MGAM: variants seen among roughly 807,000 people sequenced by gnomAD.
The protein encoded by MGAM is maltase-glucoamylase.
MGAM carries 253 observed loss-of-function variants against 358.8 expected under a neutral mutation model. That is an observed-to-expected ratio of 0.71 (90% CI 0.64 to 0.78). MGAM has a LOEUF of 0.78. MGAM is among the 30% of genes least tolerant of loss of function. The pLI, the probability that MGAM is intolerant of heterozygous loss-of-function variation, is 0.00. For missense variants in MGAM, 3,080 were observed against 3,432.6 expected (o/e 0.90, Z 2.57); for synonymous variants, 1,105 against 1,227.1 (o/e 0.90, Z 2.08).
At position 142,022,392 on chromosome 7, in the gene MGAM, A is replaced by G. The variant is rs369129473; in HGVS notation, c.835A>G (p.Asn279Asp). The G allele has an allele frequency of 3.1e-6, 5 of 1,613,642 alleles. No individual in the cohort carries two copies. In the African/African-American group the frequency reaches 4.0e-5, roughly 13 times the overall value. ...GCACCAGCAGTATCGGCATGATATG[A>G]ATTGGAAGACCTGGCCCATATTTAA... ...HVHQQYRHDM[N>D]WKTWPIFNRD... Residue 279 changes from asparagine to aspartate, a missense_variant, in exon 7 of 71, where the codon AAT becomes GAT. Asn to Asp is a conservative substitution (Grantham distance 23). Transcript: ENST00000475668.
intron 30 of MGAM, among the ~76,000 whole-genome samples, chr7:142,057,942 C>T (rs1811716193): frequency 6.6e-6 from 1 of 152,124 alleles, no homozygotes; most frequent in African/African-American, 2.4e-5. Flanking sequence ...GTCTCTGATT[C>T]TGGGTTTCTT....
At chr7:142,103,462 G>C in intron 70 of MGAM, 23 bp downstream of exon 70, 1 of 1,570,996 alleles carries the variant, frequency 6.4e-7, no homozygotes, top group Non-Finnish European at 8.6e-7. Context: ...CAAAAAGTGC[G>C]AATGGTATTC....
rs1321342020 is a variant in MGAM at position 142,022,256 on chromosome 7, A to G, written c.711-12A>G. The G allele has an allele frequency of 6.3e-7, 1 of 1,593,620 alleles. No homozygotes were observed. Among genetic ancestry groups the G allele is most frequent in the East Asian group, 2.3e-5 (1 of 44,232 alleles). ...TTGCTCACCCATCCTTGTGTTCTCC[A>G]CCTGTGTCTAGGTTTGACTCGAGCA... On this transcript the variant is annotated splice_polypyrimidine_tract_variant and intron_variant, in intron 6 of 70. Transcript: ENST00000475668.
At chr7:142,065,312 A>G (rs201437437) in intron 37 of MGAM, 23 bp from the exon 38 acceptor site, 36 of 1,600,096 alleles carry the variant, frequency 2.2e-5, no homozygotes, top group Non-Finnish European at 2.9e-5. Context: ...GCCTCAGTTC[A>G]CCTCCTGTTC....
rs371361712 is a variant in MGAM, at chr7:142,060,382, G to A, written c.4122+9G>A. The A allele has an allele frequency of 6.2e-7, 1 of 1,613,840 alleles. No homozygotes were observed. The highest frequency in any genetic ancestry group is 1.3e-5 in the African/African-American group (1 of 74,958). On this transcript the variant is annotated intron_variant, in intron 34 of 70. Coordinates refer to ENST00000475668, the MANE Select transcript of MGAM (RefSeq NM_001365693.1). ...GGGACAGCCAAGTGGAGGTAAAAGG[G>A]TGTTTGTAAATTTGGGTGGAGTCAG... is the stretch of plus-strand genomic sequence containing the variant.
chr7:142,088,660 A>ATCTG (rs1179602549), intron 57 of MGAM, among the ~76,000 whole-genome samples: 1 of 56,976 alleles, frequency 1.8e-5, no homozygotes, highest in Non-Finnish European at 3.3e-5. Flanking sequence ...CTGTCTGTCT[A>ATCTG]TCTATCTATC....
At chr7:142,097,893 CTT>C (rs1816086311) in intron 66 of MGAM, among the ~76,000 whole-genome samples, 1 of 152,110 alleles carries the variant, frequency 6.6e-6, no homozygotes, top group Non-Finnish European at 1.5e-5. Flanking sequence ...TGGGTGTTCT[CTT>C]TGTGTTAATT....
intron 24 of MGAM, among the ~76,000 whole-genome samples, chr7:142,051,473 A>G (rs1026087718): frequency 2.4e-4 from 36 of 152,140 alleles, no homozygotes; most frequent in African/African-American, 6.8e-4. Flanking sequence ...TACTCCAGAC[A>G]AGTGAGAACT....
chr7:142,020,721 G>A (rs1806374511), intron 4 of MGAM, among the ~76,000 whole-genome samples: 1 of 151,102 alleles, frequency 6.6e-6, no homozygotes, highest in Non-Finnish European at 1.5e-5. Context: ...TGCCTACAAA[G>A]TAGCTGGGAT....
intron 34 of MGAM, among the ~76,000 whole-genome samples, chr7:142,061,445 G>A (rs912713376): frequency 2.0e-5 from 3 of 152,198 alleles, no homozygotes; most frequent in Non-Finnish European, 2.9e-5. Flanking sequence ...AAGATTCTCT[G>A]TGATGTGACC....
At position 142,099,647 on chromosome 7, in the gene MGAM, C is replaced by T. The variant is rs753541014; in HGVS notation, c.7784C>T (p.Thr2595Ile). The T allele has an allele frequency of 9.9e-6, 16 of 1,613,960 alleles. No individual in the cohort carries two copies. The highest frequency in any genetic ancestry group is 1.4e-5 in the Non-Finnish European group (16 of 1,179,872). ...ATTAATGCAAGAGGAGAGTGGAAGACCTTGCCAGCCCCTCTTGACCACATT... is the reference window on the plus strand; with the variant it reads ...ATTAATGCAAGAGGAGAGTGGAAGATCTTGCCAGCCCCTCTTGACCACATT... ...VDINARGEWK[T>I]LPAPLDHINL... The change falls in exon 67 of 71, where the codon ACC becomes ATC. Residue 2595 changes from threonine to isoleucine, a missense_variant. By Grantham distance (89) the Thr-to-Ile change is moderately conservative. Coordinates refer to ENST00000475668, the MANE Select transcript of MGAM (RefSeq NM_001365693.1).
chr7:142,043,088 A>C (rs866313683), intron 21 of MGAM, among the ~76,000 whole-genome samples: 4,258 of 32,360 alleles, frequency 0.13, 52 homozygotes, highest in Admixed American at 0.15. Flanking sequence ...AATATAATAT[A>C]TATATTATAT....
chr7:142,025,205 T>TA (rs1806841711), intron 8 of MGAM, 56 bp downstream of exon 8: 1 of 1,296,980 alleles, frequency 7.7e-7, no homozygotes, highest in South Asian at 1.2e-5. Context: ...GTCCCTTTCT[T>TA]ACAGCACTAT....
In MGAM at chr7:142,065,462, A is replaced by G. The variant is rs1244283229; in HGVS notation, c.4612A>G (p.Ile1538Val). ...TAAWDQLKKSIIGMMEFSLFG... is the reference protein window; with the variant it reads ...TAAWDQLKKSVIGMMEFSLFG... ...CGCATGGGATCAGCTGAAGAAGTCT[A>G]TCATTGGTGCGTGGGTCCTTCCCCA... is the stretch of plus-strand genomic sequence containing the variant. The change falls in exon 38 of 71, where the codon ATC (isoleucine) becomes GTC (valine). Residue 1538 changes from isoleucine to valine, a missense_variant. This residue lies in a region of MGAM where 134 missense variants were observed against 198.4 expected (regional missense o/e 0.68). Transcript: ENST00000475668. 5.0e-6 allele frequency: 8 copies of G among 1,610,940 alleles called. No individual in the cohort carries two copies. The highest frequency in any genetic ancestry group is 6.8e-6 in the Non-Finnish European group (8 of 1,178,998).
chr7:142,075,856 T>C (rs1813690085), intron 45 of MGAM, among the ~76,000 whole-genome samples: 1 of 145,800 alleles, frequency 6.9e-6, no homozygotes, highest in Non-Finnish European at 1.6e-5. Flanking sequence ...GTTACAACCA[T>C]TATGGAAAAT....
Position 142,105,948 on chromosome 7 carries a change from A to G in MGAM, c.*57A>G. The G allele has an allele frequency of 7.8e-7, 1 of 1,286,552 alleles. No individual in the cohort carries two copies. The highest frequency in any genetic ancestry group is 1.7e-5 in the Admixed American group (1 of 57,592). 79.7% of individuals were successfully genotyped at this position (1,286,552 alleles called of 1,614,324 possible). A position where few individuals can be genotyped will look rare whatever the true frequency, so the allele number is the denominator to read the frequency against. ...ATGACTTTGAAACTACTTATACTTC[A>G]TACTCATAAAAATTATTGTGTGTTG... On this transcript the variant is annotated 3_prime_UTR_variant, in exon 71 of 71. Coordinates refer to ENST00000475668, the MANE Select transcript of MGAM (RefSeq NM_001365693.1).
Position 142,079,219 on chromosome 7 carries a change from G to T in MGAM, c.5847+211G>T, listed in dbSNP as rs1468820681. Among the ~76,000 whole-genome samples the T allele has an allele frequency of 4.8e-5, 7 of 145,820 alleles. 1 individual carries two copies. Among genetic ancestry groups the T allele is most frequent in the African/African-American group, 1.7e-4 (7 of 41,016 alleles). On this transcript the variant is annotated intron_variant, in intron 49 of 70. Transcript: ENST00000475668. ...TTACTGTGGCTACTGTTAGGAAAATGGTTGGGAGAGCAAGAGTGGGTACGG... is the reference window on the plus strand; with the variant it reads ...TTACTGTGGCTACTGTTAGGAAAATTGTTGGGAGAGCAAGAGTGGGTACGG...
Position 142,077,211 on chromosome 7 carries a change from G to T in MGAM, c.5493+385G>T, listed in dbSNP as rs866398713. 8.2e-5 allele frequency among the ~76,000 whole-genome samples: 12 copies of T among 145,652 alleles called. 1 individual carries two copies. The highest frequency in any genetic ancestry group is 2.9e-4 in the African/African-American group (12 of 41,066). Reference sequence around the variant, plus strand: ...CAAATAAGAATTGGTATTTGAAAAAGGCCAGCTTGGATAGGAAACTTGTGG... The same window carrying T: ...CAAATAAGAATTGGTATTTGAAAAATGCCAGCTTGGATAGGAAACTTGTGG... On this transcript the variant is annotated intron_variant, in intron 47 of 70. Coordinates refer to ENST00000475668, the MANE Select transcript of MGAM (RefSeq NM_001365693.1).
At chr7:142,105,088 A>C (rs1168805927) in intron 70 of MGAM, among the ~76,000 whole-genome samples, 3 of 152,088 alleles carry the variant, frequency 2.0e-5, no homozygotes, top group Non-Finnish European at 4.4e-5. Flanking sequence ...GGGCACATGC[A>C]GTGAAAGCTT....
Sources: gnomAD v4.1 joint callset for allele counts (sites outside exome capture counted in the v4.1 genomes callset) on GRCh38, gnomAD v4.1.1 for gene constraint, gnomAD v4.1.1 regional missense constraint, MANE v1.5 for transcripts, NCBI Gene and HGNC (gene_info 2026-07-23, HGNC 2026-07-21) for gene names.